Variants in CSNK1G1 observed in about 807,000 individuals in gnomAD.
The protein encoded by CSNK1G1 is casein kinase 1 gamma 1, also known as casein kinase I isoform gamma-1.
In CSNK1G1, 22 loss-of-function variants were observed where a neutral mutation model predicts 59.6. The observed-to-expected ratio is 0.37, with a 90% CI of 0.26 to 0.53. The LOEUF (loss-of-function observed/expected upper bound fraction) is 0.53, where lower values mean the gene tolerates loss of function less well. Ranked by LOEUF, CSNK1G1 falls within the 20% of genes least tolerant of loss-of-function variation. The pLI is 0.89. For synonymous variants in CSNK1G1, 179 were observed against 177.1 expected (o/e 1.01, Z -0.08); for missense variants, 384 against 519.5 (o/e 0.74, Z 2.54).
intron 4 of CSNK1G1, among the ~76,000 whole-genome samples, chr15:64,242,351 C>G (rs1891518365): frequency 6.6e-6 from 1 of 152,146 alleles, no homozygotes; most frequent in South Asian, 2.1e-4. Context: ...GTGCTGTCTT[C>G]ATGGTAAGTG....
intron 4 of CSNK1G1, among the ~76,000 whole-genome samples, chr15:64,247,569 G>A (rs1054689942): frequency 2.6e-5 from 4 of 152,162 alleles, no homozygotes; most frequent in African/African-American, 9.7e-5. Context: ...TGGAATGGAA[G>A]AGAAAGAGTT....
intron 1 of CSNK1G1, among the ~76,000 whole-genome samples, chr15:64,327,843 C>T (rs1596283086): frequency 2.5e-5 from 1 of 40,748 alleles, no homozygotes; most frequent in African/African-American, 1.1e-4. Flanking sequence ...GCTGATGGAG[C>T]TGAAAACCAA....
At chr15:64,172,011 C>G (rs751847654) in intron 11 of CSNK1G1, 26 bp from the exon 12 acceptor site, 4 of 1,609,840 alleles carry the variant, frequency 2.5e-6, no homozygotes, top group Non-Finnish European at 3.4e-6. Context: ...CATTGCAAGT[C>G]AGTGCGGGAG....
intron 2 of CSNK1G1, among the ~76,000 whole-genome samples, chr15:64,285,441 AG>A (rs1365032746): frequency 6.6e-6 from 1 of 152,222 alleles, no homozygotes; most frequent in African/African-American, 2.4e-5. Context: ...TCTATAGTCT[AG>A]ATGTTCAAAT....
intron 1 of CSNK1G1, among the ~76,000 whole-genome samples, chr15:64,336,588 T>A (rs1451868205): frequency 1.3e-5 from 2 of 152,006 alleles, no homozygotes; most frequent in East Asian, 1.9e-4. Context: ...AAAGACTCCA[T>A]CTCAAACAAA....
chr15:64,269,908 A>C (rs1893191967), intron 2 of CSNK1G1, among the ~76,000 whole-genome samples: 1 of 152,024 alleles, frequency 6.6e-6, no homozygotes. Flanking sequence ...GGCTCAAGTG[A>C]TTCTCCCACC....
At chr15:64,346,081 G>GA (rs1414515230) in intron 1 of CSNK1G1, among the ~76,000 whole-genome samples, 4 of 151,708 alleles carry the variant, frequency 2.6e-5, no homozygotes, top group Admixed American at 2.0e-4. Flanking sequence ...GCACCCGGCA[G>GA]AAAAAATTTG....
chr15:64,232,441 G>A (rs912535963), intron 4 of CSNK1G1, among the ~76,000 whole-genome samples: 1 of 152,154 alleles, frequency 6.6e-6, no homozygotes, highest in Non-Finnish European at 1.5e-5. Flanking sequence ...CAATGACACT[G>A]ACAGATACTG....
Position 64,261,901 on chromosome 15 carries a change from C to A in CSNK1G1, c.182-2660G>T, listed in dbSNP as rs188203611. Among the ~76,000 whole-genome samples, 234 of 147,638 alleles carry A rather than the reference C, an allele frequency of 1.6e-3. 2 individuals carry two copies. Among genetic ancestry groups the A allele is most frequent in the African/African-American group, 5.7e-3 (226 of 39,480 alleles). The stretch of plus-strand genomic sequence containing the variant: ...AGGTTGCAGTGAGCCGAGATCGCAC[C>A]ATTGCACTCCAGCCTGGGCAACAGA... On this transcript the variant is annotated intron_variant, in intron 2 of 11. Transcript: ENST00000303052.
intron 2 of CSNK1G1, among the ~76,000 whole-genome samples, chr15:64,270,206 G>A (rs2140347542): frequency 6.6e-6 from 1 of 151,940 alleles, no homozygotes; most frequent in East Asian, 1.9e-4. Context: ...TTCTTTATTA[G>A]TCTAGCTAGT....
At chr15:64,207,618 A>G (rs547522710) in intron 6 of CSNK1G1, 24 bp from the exon 7 acceptor site, 1 of 1,569,454 alleles carries the variant, frequency 6.4e-7, no homozygotes, top group African/African-American at 1.3e-5. Context: ...CAGATCACAC[A>G]TTATGTTTGC....
At chr15:64,189,676 G>T (rs1191102570) in intron 10 of CSNK1G1, among the ~76,000 whole-genome samples, 1 of 152,154 alleles carries the variant, frequency 6.6e-6, no homozygotes, top group Non-Finnish European at 1.5e-5. Flanking sequence ...CGAAGGGCAA[G>T]GAAGTAATGG....
At chr15:64,297,423 G>A (rs539527152) in intron 2 of CSNK1G1, among the ~76,000 whole-genome samples, 9 of 152,106 alleles carry the variant, frequency 5.9e-5, no homozygotes, top group African/African-American at 2.2e-4. Flanking sequence ...AAATGCACAC[G>A]GTTGGTCAGG....
rs535598031 is a variant in CSNK1G1, at chr15:64,179,511, A to G, written c.1214+837T>C. ...CCTGAAGGTTCTCAAAGGGCTCACA[A>G]GAAAGGTCCTCCATATCAGGGATAG... On this transcript the variant is annotated intron_variant, in intron 11 of 11. Coordinates refer to ENST00000303052, the MANE Select transcript of CSNK1G1 (RefSeq NM_022048.5). Among the ~76,000 whole-genome samples, 13 of 152,338 alleles carry G rather than the reference A, an allele frequency of 8.5e-5. No homozygotes were observed. The East Asian group carries it at 2.5e-3, about 29-fold the overall frequency.
chr15:64,226,298 G>A (rs1036821140), intron 4 of CSNK1G1, among the ~76,000 whole-genome samples: 2 of 152,164 alleles, frequency 1.3e-5, no homozygotes, highest in South Asian at 2.1e-4. Context: ...GGTGGCTCAC[G>A]CCTGTAATCC....
intron 2 of CSNK1G1, among the ~76,000 whole-genome samples, chr15:64,286,292 C>T (rs1180597077): frequency 1.3e-5 from 2 of 149,652 alleles, no homozygotes; most frequent in South Asian, 4.2e-4. Context: ...AGTAGCATTA[C>T]AACCCTCAAA....
At chr15:64,241,982 A>G (rs1339096897) in intron 4 of CSNK1G1, among the ~76,000 whole-genome samples, 4 of 152,112 alleles carry the variant, frequency 2.6e-5, no homozygotes, top group African/African-American at 9.7e-5. Flanking sequence ...GAAAAAAATG[A>G]GAAGACTCAA....
intron 2 of CSNK1G1, among the ~76,000 whole-genome samples, chr15:64,290,593 G>A (rs943988032): frequency 6.6e-6 from 1 of 151,978 alleles, no homozygotes; most frequent in Non-Finnish European, 1.5e-5. Context: ...TGGGAAAGAG[G>A]TGAGAAATGA....
At chr15:64,229,304 T>C (rs901826173) in intron 4 of CSNK1G1, among the ~76,000 whole-genome samples, 1 of 152,182 alleles carries the variant, frequency 6.6e-6, no homozygotes, top group Non-Finnish European at 1.5e-5. Flanking sequence ...CAGTGGAAAG[T>C]ACCATTTCCC....
Sources: gnomAD v4.1 joint callset for allele counts (sites outside exome capture counted in the v4.1 genomes callset) on GRCh38, gnomAD v4.1.1 for gene constraint, MANE v1.5 for transcripts, NCBI Gene and HGNC (gene_info 2026-07-23, HGNC 2026-07-21) for gene names.